Variants in RPF1 observed in about 807,000 individuals in gnomAD.
The protein encoded by RPF1 is ribosome production factor 1 homolog.
A neutral mutation model predicts 41.9 loss-of-function variants in RPF1; 34 were observed. The observed-to-expected ratio is 0.81, with a 90% CI of 0.62 to 1.08. The LOEUF is 1.08. Among genes scored for constraint, RPF1 ranks in the 50% least tolerant of loss-of-function variants. The pLI is 0.00. For synonymous variants in RPF1, 140 were observed against 148.9 expected (o/e 0.94, Z 0.43); for missense variants, 425 against 435.2 (o/e 0.98, Z 0.21).
intron 3 of RPF1, among the ~76,000 whole-genome samples, chr1:84,489,254 A>G (rs1200822640): frequency 6.6e-6 from 1 of 152,108 alleles, no homozygotes; most frequent in Non-Finnish European, 1.5e-5. Flanking sequence ...CTCTCAATGG[A>G]AGATTTGTCT....
intron 8 of RPF1, among the ~76,000 whole-genome samples, chr1:84,496,990 G>T (rs2101888767): frequency 6.6e-6 from 1 of 152,022 alleles, no homozygotes; most frequent in East Asian, 1.9e-4. Flanking sequence ...TCCTGCCTCA[G>T]CCTCCCGAGT....
At chr1:84,496,479 A>G in intron 8 of RPF1, 109 bp downstream of exon 8, 3 of 927,970 alleles carry the variant, frequency 3.2e-6, no homozygotes, top group Non-Finnish European at 4.9e-6. Flanking sequence ...CTTAATACCT[A>G]GGTGATGAAA....
chr1:84,486,354 G>A (rs2659168), intron 3 of RPF1, among the ~76,000 whole-genome samples: 2,663 of 152,094 alleles, frequency 0.018, 71 homozygotes, highest in African/African-American at 0.059. Context: ...TTGGGAGGCC[G>A]AGACGGGTGG....
chr1:84,491,804 T>G (rs1387652482), intron 5 of RPF1, among the ~76,000 whole-genome samples: 2 of 152,202 alleles, frequency 1.3e-5, no homozygotes, highest in Admixed American at 6.5e-5. Flanking sequence ...TATCCCTGTT[T>G]TATCCAGGGT....
chr1:84,494,653 G>A (rs1328142628), intron 5 of RPF1, among the ~76,000 whole-genome samples: 1 of 152,216 alleles, frequency 6.6e-6, no homozygotes, highest in African/African-American at 2.4e-5. Flanking sequence ...ACCTTAGTTT[G>A]CAGCACCCAG....
At chr1:84,497,006 G>C (rs1382113756) in intron 8 of RPF1, among the ~76,000 whole-genome samples, 1 of 151,708 alleles carries the variant, frequency 6.6e-6, no homozygotes, top group Non-Finnish European at 1.5e-5. Context: ...CGAGTAGCTG[G>C]GATTACAAGT....
At chr1:84,486,287 T>C (rs1037215581) in intron 3 of RPF1, among the ~76,000 whole-genome samples, 2 of 151,910 alleles carry the variant, frequency 1.3e-5, no homozygotes, top group East Asian at 3.9e-4. Flanking sequence ...CTGGGTGGGT[T>C]AGAATAGAAG....
intron 5 of RPF1, among the ~76,000 whole-genome samples, chr1:84,493,599 AC>A (rs1368745784): frequency 2.8e-4 from 43 of 151,814 alleles, no homozygotes; most frequent in Non-Finnish European, 5.1e-4. Context: ...AAAAAAAAAA[AC>A]AAAAGAAAAA....
intron 5 of RPF1, among the ~76,000 whole-genome samples, chr1:84,491,541 G>T (rs1396495857): frequency 6.6e-6 from 1 of 151,996 alleles, no homozygotes; most frequent in African/African-American, 2.4e-5. Flanking sequence ...GTGTTTTGTT[G>T]GCCATATTAT....
intron 3 of RPF1, among the ~76,000 whole-genome samples, chr1:84,489,315 G>GT (rs897077067): frequency 5.3e-5 from 8 of 151,220 alleles, no homozygotes; most frequent in Non-Finnish European, 8.9e-5. Flanking sequence ...TGTTTGTTTT[G>GT]TTTTTTTTGT....
At chr1:84,496,863 T>C (rs548593721) in intron 8 of RPF1, among the ~76,000 whole-genome samples, 110 of 152,234 alleles carry the variant, frequency 7.2e-4, no homozygotes, top group Middle Eastern at 3.4e-3. Context: ...ATGAAAACTT[T>C]TTTGTTGTTG....
chr1:84,483,532 G>A (rs1681688468), intron 3 of RPF1, among the ~76,000 whole-genome samples: 1 of 152,188 alleles, frequency 6.6e-6, no homozygotes, highest in Non-Finnish European at 1.5e-5. Flanking sequence ...CTCCAAAAGT[G>A]CTGGGATTAC....
At chr1:84,482,006 C>A (rs939713877) in intron 2 of RPF1, among the ~76,000 whole-genome samples, 8 of 152,092 alleles carry the variant, frequency 5.3e-5, no homozygotes, top group Non-Finnish European at 1.0e-4. Flanking sequence ...CTTTTTAATT[C>A]TTTTGTAATC....
At position 84,479,519 on chromosome 1, in the gene RPF1, AGGCG is replaced by A. The variant is rs1252815691; in HGVS notation, c.228+13_228+16del. 1.9e-6 allele frequency: 3 copies of A among 1,612,448 alleles called. No homozygotes were observed. The highest frequency in any genetic ancestry group is 2.5e-6 in the Non-Finnish European group (3 of 1,178,834). The stretch of plus-strand genomic sequence containing the variant: ...ACAGCAGCAGCGGAAGGTACGCGAG[AGGCG>A]GGGGCTGCCGGGCGCTTGCGCGTTG... On this transcript the variant is annotated intron_variant, in intron 1 of 8. Transcript: ENST00000370654.
rs184863174 is a variant in RPF1 at position 84,480,381 on chromosome 1, C to A, written c.229-575C>A. On this transcript the variant is annotated intron_variant, in intron 1 of 8. Transcript: ENST00000370654. ...AAAGAATATTTTTTATTTTGTCAAG[C>A]ATTCTATCTAGAAATCTCCAGAAGA... is the stretch of plus-strand genomic sequence containing the variant. Among the ~76,000 whole-genome samples, 15 of 152,232 alleles carry A rather than the reference C, an allele frequency of 9.9e-5. 1 individual carries two copies. The East Asian group carries it at 2.5e-3, about 25-fold the overall frequency.
At chr1:84,484,453 G>T (rs563372337) in intron 3 of RPF1, among the ~76,000 whole-genome samples, 3 of 151,652 alleles carry the variant, frequency 2.0e-5, no homozygotes, top group Admixed American at 2.0e-4. Context: ...AAAGTCCCAG[G>T]TCATACATTC....
Position 84,496,018 on chromosome 1 carries a change from C to T in RPF1, c.836C>T (p.Ala279Val), listed in dbSNP as rs769682938. 1.1e-5 allele frequency: 18 copies of T among 1,612,584 alleles called. No individual in the cohort carries two copies. The South Asian group carries it at 2.0e-4, about 18-fold the overall frequency. Residue 279 changes from alanine to valine, a missense_variant, in exon 7 of 9, where the codon GCC (alanine) becomes GTC (valine). By Grantham distance (64) the Ala-to-Val change is moderately conservative. Transcript: ENST00000370654. ...CCTCAATTTATCGGAAGGCAGGTTG[C>T]CACATTCCACAATCAACGGGATTAC... ...HNPQFIGRQV[A>V]TFHNQRDYIF...
chr1:84,486,045 T>A (rs979734914), intron 3 of RPF1, among the ~76,000 whole-genome samples: 8 of 152,150 alleles, frequency 5.3e-5, no homozygotes, highest in South Asian at 2.1e-4. Context: ...TAGCCATCTT[T>A]GGGCAAAAAG....
chr1:84,482,560 G>A (rs190698037), intron 2 of RPF1, among the ~76,000 whole-genome samples: 1 of 152,148 alleles, frequency 6.6e-6, no homozygotes, highest in African/African-American at 2.4e-5. Context: ...AGTCATGTAC[G>A]GATGTCGCTT....
Sources: allele counts gnomAD v4.1 joint callset (sites outside exome capture counted in the v4.1 genomes callset), GRCh38; gene constraint gnomAD v4.1.1; transcripts MANE v1.5; gene names NCBI Gene and HGNC (gene_info 2026-07-23, HGNC 2026-07-21).